Variants in KHDC1 observed in about 807,000 individuals in gnomAD.
KHDC1 encodes the protein KH domain containing 1, also known as KH homology domain-containing protein 1.
A neutral mutation model predicts 24.7 loss-of-function variants in KHDC1; 21 were observed. The ratio of observed to expected loss-of-function variants is 0.85; its 90% CI spans 0.60 to 1.23. The LOEUF (loss-of-function observed/expected upper bound fraction) is 1.23, where lower values mean the gene tolerates loss of function less well. Ranked by LOEUF, KHDC1 falls within the 50% of genes most tolerant of loss-of-function variation. The probability of loss-of-function intolerance (pLI) is 0.00; values close to 1 mark genes in which losing one functional copy is unlikely to be tolerated. For missense variants in KHDC1, 274 were observed against 298.5 expected (o/e 0.92, Z 0.61); for synonymous variants, 98 against 111.7 (o/e 0.88, Z 0.77).
At chr6:73,284,952 C>T (rs1465382268) in intron 2 of KHDC1, among the ~76,000 whole-genome samples, 2 of 152,042 alleles carry the variant, frequency 1.3e-5, no homozygotes, top group Non-Finnish European at 2.9e-5. Context: ...TCAAGCGATT[C>T]TCCTGCCTCA....
At chr6:73,245,049 T>C (rs552071402) in intron 2 of KHDC1, among the ~76,000 whole-genome samples, 1 of 152,302 alleles carries the variant, frequency 6.6e-6, no homozygotes, top group Non-Finnish European at 1.5e-5. Flanking sequence ...TAAAATATAA[T>C]TTGTGAAATA....
At position 73,272,819 on chromosome 6, in the gene KHDC1, G is replaced by A. The variant is rs535104492; in HGVS notation, c.206+19179C>T. ...ACAGGGAGAGATCTTTATATTTTAG[G>A]GCCTGGGCTGGATAATTTTTTCTTT... On this transcript the variant is annotated intron_variant, in intron 2 of 4. Transcript: ENST00000370384. Among the ~76,000 whole-genome samples the A allele has an allele frequency of 3.7e-3, 560 of 150,890 alleles. 2 individuals carry two copies. The highest frequency in any genetic ancestry group is 5.5e-3 in the Non-Finnish European group (371 of 67,742).
chr6:73,287,962 G>A (rs921721473), intron 2 of KHDC1, among the ~76,000 whole-genome samples: 1 of 152,200 alleles, frequency 6.6e-6, no homozygotes, highest in Non-Finnish European at 1.5e-5. Context: ...GAGTGGAGAA[G>A]GGCTAATGAA....
chr6:73,310,252 C>G (rs1768057191), upstream of KHDC1: 1 of 157,396 alleles, frequency 6.4e-6, no homozygotes, highest in African/African-American at 2.4e-5. Context: ...GGTGCTGTCC[C>G]GCCCACGGAC....
chr6:73,258,219 CACTCCAGCCTGGGCAAGAGAGCGAG>C (rs1367896036), intron 2 of KHDC1, among the ~76,000 whole-genome samples: 3 of 152,202 alleles, frequency 2.0e-5, no homozygotes, highest in Admixed American at 6.5e-5. Flanking sequence ...CGTGCCACTG[CACTCCAGCCTGGGCAAGAGAGCGAG>C]ACTCCGTCTC....
At chr6:73,309,099 G>A (rs1768030060) in intron 1 of KHDC1, among the ~76,000 whole-genome samples, 1 of 152,244 alleles carries the variant, frequency 6.6e-6, no homozygotes, top group Non-Finnish European at 1.5e-5. Context: ...GGGATTACAG[G>A]CGTGAGCCAA....
chr6:73,291,932 C>T, intron 2 of KHDC1: 1 of 1,558,826 alleles, frequency 6.4e-7, no homozygotes, highest in East Asian at 2.3e-5. Flanking sequence ...AAATTTAATT[C>T]TCTAGCACAG....
At chr6:73,290,106 C>CAAAAAAAAA (rs140342387) in intron 2 of KHDC1, among the ~76,000 whole-genome samples, 2 of 86,470 alleles carry the variant, frequency 2.3e-5, no homozygotes, top group African/African-American at 1.0e-4. Flanking sequence ...GACTCCGTCT[C>CAAAAAAAAA]AAAAAAAAAA....
At chr6:73,274,612 G>C (rs557279514) in intron 2 of KHDC1, 1 of 152,180 alleles carries the variant, frequency 6.6e-6, no homozygotes, top group Non-Finnish European at 1.5e-5. Context: ...CCCTACTGGC[G>C]CTCATTCATT....
chr6:73,259,311 G>T (rs6908621), intron 2 of KHDC1, among the ~76,000 whole-genome samples: 4 of 90,352 alleles, frequency 4.4e-5, no homozygotes, highest in African/African-American at 2.5e-4. Context: ...TTTTTGAGAC[G>T]GAGTCTCGCT....
At chr6:73,261,113 G>A (rs1026885674) in intron 2 of KHDC1, among the ~76,000 whole-genome samples, 1 of 152,136 alleles carries the variant, frequency 6.6e-6, no homozygotes, top group Non-Finnish European at 1.5e-5. Flanking sequence ...GTTGATTCAA[G>A]TCTTGCCCTC....
chr6:73,290,833 C>T (rs1024668357), intron 2 of KHDC1: 2 of 333,768 alleles, frequency 6.0e-6, no homozygotes, highest in East Asian at 7.3e-5. Flanking sequence ...GGTAACCTAC[C>T]TACCTACCAC....
At chr6:73,309,977 C>T (rs1054440183) in exon 1 of KHDC1, 1 of 443,848 alleles carries the variant, frequency 2.3e-6, no homozygotes, top group African/African-American at 2.1e-5. Context: ...AAGCTCCAGG[C>T]TCGGTCACCA....
chr6:73,244,610 A>G (rs1766629964), intron 2 of KHDC1, among the ~76,000 whole-genome samples: 1 of 149,372 alleles, frequency 6.7e-6, no homozygotes, highest in Non-Finnish European at 1.5e-5. Context: ...AGTTAGATTT[A>G]AAACAATGAA....
rs569206556 is a variant in KHDC1, at chr6:73,278,683, G to A, written c.206+13315C>T. On this transcript the variant is annotated intron_variant, in intron 2 of 4. Transcript: ENST00000370384. ...GATTTTTATTTTATTACAGTATATT[G>A]TTGTAATTTTTTGTTTTATTGTTGT... is the stretch of plus-strand genomic sequence containing the variant. Among the ~76,000 whole-genome samples, 148 of 151,960 alleles carry A rather than the reference G, an allele frequency of 9.7e-4. 1 individual carries two copies. Among genetic ancestry groups the A allele is most frequent in the Middle Eastern group, 3.4e-3 (1 of 294 alleles).
At chr6:73,280,028 C>G (rs2150666619) in intron 2 of KHDC1, among the ~76,000 whole-genome samples, 1 of 152,302 alleles carries the variant, frequency 6.6e-6, no homozygotes, top group African/African-American at 2.4e-5. Context: ...TCACAGTTTA[C>G]TACATCCATC....
At chr6:73,260,493 A>T (rs1279462792) in intron 2 of KHDC1, among the ~76,000 whole-genome samples, 1 of 152,236 alleles carries the variant, frequency 6.6e-6, no homozygotes, top group Non-Finnish European at 1.5e-5. Context: ...CTATTATGCA[A>T]AAAAAGTTTC....
intron 2 of KHDC1, among the ~76,000 whole-genome samples, chr6:73,280,530 T>C (rs1767383667): frequency 6.6e-6 from 1 of 150,582 alleles, no homozygotes; most frequent in South Asian, 2.1e-4. Flanking sequence ...TTTTTTTTTT[T>C]TTTTGAGACT....
chr6:73,287,018 GA>G (rs1389815771), intron 2 of KHDC1, among the ~76,000 whole-genome samples: 2 of 152,176 alleles, frequency 1.3e-5, no homozygotes. Context: ...AAGTGAGGTA[GA>G]AATGCCAAAA....
Sources: gnomAD v4.1 joint callset for allele counts (sites outside exome capture counted in the v4.1 genomes callset) on GRCh38, gnomAD v4.1.1 for gene constraint, MANE v1.5 for transcripts, NCBI Gene and HGNC (gene_info 2026-07-23, HGNC 2026-07-21) for gene names.